Variants in POMGNT1 observed in about 807,000 individuals in gnomAD.
POMGNT1 encodes the protein protein O-linked mannose N-acetylglucosaminyltransferase 1 (beta 1,2-), also known as protein O-linked-mannose beta-1,2-N-acetylglucosaminyltransferase 1.
Under a neutral mutation model 95.6 loss-of-function variants are expected in POMGNT1, and 67 were observed. The ratio of observed to expected loss-of-function variants is 0.70; its 90% CI spans 0.58 to 0.86. The LOEUF is 0.86. POMGNT1 is among the 40% of genes least tolerant of loss of function. POMGNT1 has a pLI of 0.00. For synonymous variants in POMGNT1, 298 were observed against 317.9 expected (o/e 0.94, Z 0.66); for missense variants, 719 against 855.2 (o/e 0.84, Z 1.99).
chr1:46,194,210 T>C (rs1658024486), intron 9 of POMGNT1, 64 bp downstream of exon 9: 1 of 1,613,528 alleles, frequency 6.2e-7, no homozygotes, highest in South Asian at 1.1e-5. Context: ...CCTAGATCAT[T>C]CCTGGGGCCC....
rs374140184 is a variant in POMGNT1 at position 46,220,073 on chromosome 1, G to A, written c.-419C>T. ...CTGAGGTGGATGTGGCAGCCACCAGGCTAGGGAGCTTGAGAGCTGTGTGGA... is the reference window on the plus strand; with the variant it reads ...CTGAGGTGGATGTGGCAGCCACCAGACTAGGGAGCTTGAGAGCTGTGTGGA... On this transcript the variant is annotated 5_prime_UTR_variant, in exon 1 of 23. Transcript: ENST00000371992. The A allele has an allele frequency of 2.2e-5, 35 of 1,614,266 alleles. No individual in the cohort carries two copies. In the African/African-American group the frequency reaches 4.5e-4, roughly 21 times the overall value.
In POMGNT1 at chr1:46,188,997, T is replaced by C; in HGVS notation, c.*273A>G. ...GAGCCAGGCCTGGAAAGTGAGGGTATTCAAAGGGCAGGATGAGCTGCTAGG... is the reference window on the plus strand; with the variant it reads ...GAGCCAGGCCTGGAAAGTGAGGGTACTCAAAGGGCAGGATGAGCTGCTAGG... On this transcript the variant is annotated 3_prime_UTR_variant, in exon 22 of 22. Coordinates refer to ENST00000371984, the MANE Select transcript of POMGNT1 (RefSeq NM_017739.4). 1 of 1,602,398 alleles carries C rather than the reference T, an allele frequency of 6.2e-7. No homozygotes were observed.
At chr1:46,201,481 C>T (rs1040232555), upstream of POMGNT1, among the ~76,000 whole-genome samples, 4 of 151,978 alleles carry the variant, frequency 2.6e-5, no homozygotes, top group Non-Finnish European at 4.4e-5. Context: ...AGGCAGATCA[C>T]GAGGTCAAGA....
Position 46,197,991 on chromosome 1 carries a change from T to C in POMGNT1, c.-50-120A>G, listed in dbSNP as rs191683837. 4.3e-4 allele frequency: 420 copies of C among 981,706 alleles called. 1 individual carries two copies. The highest frequency in any genetic ancestry group is 2.6e-3 in the Middle Eastern group (8 of 3,040). The allele number at this position is 981,706 out of a possible 1,614,324, so 60.8% of individuals were successfully genotyped here. On this transcript the variant is annotated intron_variant, in intron 1 of 21. Transcript: ENST00000371984. ...CTGCAAGCACCCATACTGTGTGACATGGGGAAAGTGGCTCAACTTCTCTGG... is the reference window on the plus strand; with the variant it reads ...CTGCAAGCACCCATACTGTGTGACACGGGGAAAGTGGCTCAACTTCTCTGG...
intron 1 of POMGNT1, among the ~76,000 whole-genome samples, chr1:46,212,913 C>T (rs1028309406): frequency 6.6e-6 from 1 of 151,834 alleles, no homozygotes; most frequent in African/African-American, 2.4e-5. Context: ...GTGTCCACCA[C>T]CACACCTGGC....
At chr1:46,199,082 C>T (rs7521617), upstream of POMGNT1, among the ~76,000 whole-genome samples, 49,734 of 151,944 alleles carry the variant, frequency 0.33, 8,319 homozygotes, top group South Asian at 0.41. Flanking sequence ...GCTGGGACTA[C>T]GGTCGTGCGC....
Position 46,198,360 on chromosome 1 carries a change from C to G in POMGNT1, c.-75G>C, listed in dbSNP as rs1390100789. The G allele has an allele frequency of 1.3e-5, 2 of 152,942 alleles. No homozygotes were observed. Among genetic ancestry groups the G allele is most frequent in the Admixed American group, 6.5e-5 (1 of 15,312 alleles). The allele number at this position is 152,942 out of a possible 1,614,324, so 9.5% of individuals were successfully genotyped here. A position where few individuals can be genotyped will look rare whatever the true frequency, so the allele number is the denominator to read the frequency against. The stretch of plus-strand genomic sequence containing the variant: ...CGGCTTAGGGGCCCCGGGCCCCGCT[C>G]GGGCCCCGCTAGGGCCCTCACTGCT... On this transcript the variant is annotated 5_prime_UTR_variant, in exon 1 of 22. Transcript: ENST00000371984.
intron 1 of POMGNT1, among the ~76,000 whole-genome samples, chr1:46,209,532 GTTTTC>G (rs1658825835): frequency 7.3e-6 from 1 of 137,432 alleles, no homozygotes; most frequent in South Asian, 2.3e-4. Context: ...TTCTGTTGTT[GTTTTC>G]TTTTTTTTTT....
chr1:46,214,150 A>G (rs1658987650), intron 1 of POMGNT1, among the ~76,000 whole-genome samples: 1 of 152,176 alleles, frequency 6.6e-6, no homozygotes, highest in Non-Finnish European at 1.5e-5. Flanking sequence ...ATTTGAGACC[A>G]GCCTGGCCAA....
chr1:46,195,394 C>T, intron 6 of POMGNT1: 1 of 374,002 alleles, frequency 2.7e-6, no homozygotes, highest in South Asian at 2.2e-5. Flanking sequence ...CCTCAGCTTT[C>T]TGCTCACATA....
chr1:46,190,318 A>C, intron 19 of POMGNT1, 155 bp downstream of exon 19: 7 of 993,228 alleles, frequency 7.0e-6, no homozygotes, highest in Non-Finnish European at 1.1e-5. Flanking sequence ...TGCTGGGATT[A>C]CAGGCGTGAG....
rs1557670329 is a variant in POMGNT1, at chr1:46,190,794, G to A, written c.1540-10C>T. ...TCTTGAAGTAGGCCTCCTGGAGTGG[G>A]TATGAGAGTGAAAATCAGCACCTCA... is the stretch of plus-strand genomic sequence containing the variant. On this transcript the variant is annotated splice_polypyrimidine_tract_variant and intron_variant, in intron 17 of 21. Coordinates refer to ENST00000371984, the MANE Select transcript of POMGNT1 (RefSeq NM_017739.4). The A allele has an allele frequency of 1.2e-6, 2 of 1,607,894 alleles. No homozygotes were observed. The highest frequency in any genetic ancestry group is 2.2e-5 in the East Asian group (1 of 44,852).
intron 2 of POMGNT1, 29 bp downstream of exon 2, chr1:46,197,673 G>A (rs757951199): frequency 5.0e-6 from 8 of 1,613,790 alleles, no homozygotes; most frequent in South Asian, 3.3e-5. Context: ...GGGAGCGCTC[G>A]GTGGGGAGGG....
chr1:46,219,732 C>G (rs546155090), exon 1 of POMGNT1: 1 of 1,606,290 alleles, frequency 6.2e-7, no homozygotes, highest in African/African-American at 1.3e-5. Context: ...GAAGATCCTG[C>G]AGCAGCTGGT....
intron 1 of POMGNT1, chr1:46,219,655 C>G: frequency 6.6e-7 from 1 of 1,520,516 alleles, no homozygotes; most frequent in Non-Finnish European, 8.8e-7. Context: ...CTGGGGAAAC[C>G]CATGCCCCAG....
chr1:46,209,102 G>A (rs780008973), intron 1 of POMGNT1, among the ~76,000 whole-genome samples: 3 of 151,870 alleles, frequency 2.0e-5, no homozygotes, highest in Non-Finnish European at 4.4e-5. Flanking sequence ...TTGGCTCACC[G>A]CAACCTCCGC....
Position 46,192,523 on chromosome 1 carries a change from C to G in POMGNT1, c.1279G>C (p.Asp427His). 3 of 1,614,134 alleles carry G rather than the reference C, an allele frequency of 1.9e-6. No homozygotes were observed. The highest frequency in any genetic ancestry group is 2.5e-6 in the Non-Finnish European group (3 of 1,180,036). The part of the protein sequence containing the change: ...DSLYCISAWN[D>H]QGYEHTAEDP... ...CCCTGGTCATTCCAGCCTACCTGGTCATTCCAGGCAGAGATGCAGTACAGG... is the reference window on the plus strand; with the variant it reads ...CCCTGGTCATTCCAGCCTACCTGGTGATTCCAGGCAGAGATGCAGTACAGG... Residue 427 changes from aspartate to histidine, a missense_variant, in exon 15 of 22, where the codon GAC becomes CAC. Asp to His is a moderately conservative substitution (Grantham distance 81). Transcript: ENST00000371984.
In POMGNT1 at chr1:46,189,347, G is replaced by A. The variant is rs771922809; in HGVS notation, c.1906C>T (p.Pro636Ser). The A allele has an allele frequency of 1.2e-6, 2 of 1,613,756 alleles. No homozygotes were observed. Among genetic ancestry groups the A allele is most frequent in the Admixed American group, 1.7e-5 (1 of 59,998 alleles). Residue 636 changes from proline (P) to serine (S), a missense_variant, in exon 22 of 22, where the codon CCA (proline) becomes TCA (serine). Coordinates refer to ENST00000371984, the MANE Select transcript of POMGNT1 (RefSeq NM_017739.4). Reference sequence around the variant, plus strand: ...AGGAAAATTGGGGTGACTGAGGGTGGCTTCTTCACTCTGGGAAAATAATAC... The same window carrying A: ...AGGAAAATTGGGGTGACTGAGGGTGACTTCTTCACTCTGGGAAAATAATAC... ...VPASPYSVKKPPSVTPIFLEP... is the reference protein window; with the variant it reads ...VPASPYSVKKSPSVTPIFLEP...
chr1:46,198,431 C>CCCCGCCCCGGCCTGG lies in POMGNT1; in HGVS notation c.-147_-146insCCAGGCCGGGGCGGG, dbSNP rs1553164391. 6.6e-6 allele frequency: 1 copy of CCCCGCCCCGGCCTGG among 150,644 alleles called. No homozygotes were observed. Among genetic ancestry groups the CCCCGCCCCGGCCTGG allele is most frequent in the Non-Finnish European group, 1.5e-5 (1 of 67,364 alleles). The allele number at this position is 150,644 out of a possible 1,614,324, so 9.3% of individuals were successfully genotyped here. ...TCCGCCTCCTCCATGCCGCTTGCGGCCCCGCCCCGGCCTGGCCCGCCCCCC... is the reference window on the plus strand; with the variant it reads ...TCCGCCTCCTCCATGCCGCTTGCGGCCCCGCCCCGGCCTGGCCCGCCCCGGCCTGGCCCGCCCCCC... On this transcript the variant is annotated 5_prime_UTR_variant, in exon 1 of 22. Transcript: ENST00000371984.
Sources: gnomAD v4.1 joint callset for allele counts (sites outside exome capture counted in the v4.1 genomes callset) on GRCh38, gnomAD v4.1.1 for gene constraint, MANE v1.5 for transcripts, NCBI Gene and HGNC (gene_info 2026-07-23, HGNC 2026-07-21) for gene names.